COA1: variants seen among roughly 807,000 people sequenced by gnomAD.
COA1 encodes cytochrome c oxidase assembly factor 1 homolog.
A neutral mutation model predicts 16.0 loss-of-function variants in COA1; 13 were observed. That is an observed-to-expected ratio of 0.81 (90% CI 0.53 to 1.29). The LOEUF is 1.29. Ranked by LOEUF, COA1 falls within the 50% of genes most tolerant of loss-of-function variation. The pLI is 0.00. For synonymous variants in COA1, 65 were observed against 65.7 expected (o/e 0.99, Z 0.05); for missense variants, 179 against 177.0 (o/e 1.01, Z -0.06).
chr7:43,725,912 A>C (rs1730795966), intron 1 of COA1, among the ~76,000 whole-genome samples: 1 of 151,098 alleles, frequency 6.6e-6, no homozygotes, highest in Admixed American at 6.6e-5. Context: ...ACTGCCTTTT[A>C]ACCAACAAAA....
At chr7:43,648,111 GA>G in intron 2 of COA1, 1 of 197,762 alleles carries the variant, frequency 5.1e-6, no homozygotes, top group Admixed American at 5.4e-5. Flanking sequence ...TTGGGATGAG[GA>G]AACTCTGGTT....
At chr7:43,698,207 C>T (rs1375061257) in intron 1 of COA1, among the ~76,000 whole-genome samples, 3 of 152,170 alleles carry the variant, frequency 2.0e-5, no homozygotes, top group African/African-American at 7.2e-5. Flanking sequence ...GAAAAACAAA[C>T]GTTTAGCCAG....
At chr7:43,630,702 G>A (rs2085092498) in intron 6 of COA1, among the ~76,000 whole-genome samples, 1 of 152,160 alleles carries the variant, frequency 6.6e-6, no homozygotes, top group Non-Finnish European at 1.5e-5. Context: ...GAGTTGAAAA[G>A]ACAGTACAGA....
chr7:43,638,483 C>T (rs867204530), downstream of COA1, among the ~76,000 whole-genome samples: 8 of 151,654 alleles, frequency 5.3e-5, no homozygotes, highest in South Asian at 1.5e-3. Context: ...ATCTAACATG[C>T]GGTTAAGTTG....
chr7:43,670,923 T>G (rs984542647), intron 1 of COA1, among the ~76,000 whole-genome samples: 3 of 152,224 alleles, frequency 2.0e-5, no homozygotes, highest in Non-Finnish European at 4.4e-5. Flanking sequence ...TTTATTAAAA[T>G]TAAAACTGCC....
rs1360804350 is a variant in COA1 at position 43,691,408 on chromosome 7, G to A, written c.-39+38021C>T. Among the ~76,000 whole-genome samples, 104 of 99,246 alleles carry A rather than the reference G, an allele frequency of 1.0e-3. 2 individuals are homozygous for A. The highest frequency in any genetic ancestry group is 1.6e-3 in the Admixed American group (14 of 8,808). 65.1% of individuals were successfully genotyped at this position (99,246 alleles called of 152,430 possible). On this transcript the variant is annotated intron_variant, in intron 1 of 5. Coordinates refer to ENST00000223336, the MANE Select transcript of COA1 (RefSeq NM_018224.4). ...GGAAGGAAGGAAGGAAGGAAGGAAG[G>A]AAGGAAGAAAGAAAAAGAAAGAAAG...
intron 1 of COA1, chr7:43,650,452 GAAAT>G (rs2090509354): frequency 6.6e-6 from 1 of 152,170 alleles, no homozygotes; most frequent in Admixed American, 6.5e-5. Flanking sequence ...ATTCAGAAAA[GAAAT>G]AAGGCTGAAA....
intron 6 of COA1, chr7:43,624,410 C>T (rs552246126): frequency 3.5e-6 from 4 of 1,137,104 alleles, no homozygotes; most frequent in Admixed American, 3.2e-5. Context: ...AAGATTTTTG[C>T]CAACTTGTCA....
At chr7:43,646,733 C>T (rs1007991934) in intron 3 of COA1, 15 of 404,222 alleles carry the variant, frequency 3.7e-5, no homozygotes, top group African/African-American at 2.9e-4. Context: ...ATCTCAGGCC[C>T]CCTCCAGACT....
chr7:43,725,071 T>C (rs2095586507), intron 1 of COA1, among the ~76,000 whole-genome samples: 4 of 152,168 alleles, frequency 2.6e-5, no homozygotes, highest in African/African-American at 9.7e-5. Flanking sequence ...AAACCCCGTC[T>C]GTACTAAAAA....
At chr7:43,697,384 C>G (rs1479901791) in intron 1 of COA1, among the ~76,000 whole-genome samples, 1 of 151,992 alleles carries the variant, frequency 6.6e-6, no homozygotes, top group East Asian at 2.0e-4. Context: ...CTCTGCCTCC[C>G]TGGTTCAAGT....
intron 1 of COA1, among the ~76,000 whole-genome samples, chr7:43,706,974 C>G (rs2095009679): frequency 6.6e-6 from 1 of 152,132 alleles, no homozygotes; most frequent in Non-Finnish European, 1.5e-5. Flanking sequence ...AGTTCAAGAC[C>G]AGCCTGGCCA....
intron 6 of COA1, among the ~76,000 whole-genome samples, chr7:43,616,457 A>G (rs1366003837): frequency 1.3e-5 from 2 of 152,202 alleles, no homozygotes; most frequent in Non-Finnish European, 2.9e-5. Context: ...ACAGTGACAA[A>G]AGAGTAATCA....
intron 5 of COA1, among the ~76,000 whole-genome samples, chr7:43,640,346 A>G (rs1219065512): frequency 1.3e-5 from 2 of 152,242 alleles, no homozygotes; most frequent in Admixed American, 6.5e-5. Flanking sequence ...TACAAATTCA[A>G]CGGCATAAGG....
At chr7:43,648,898 C>T (rs1192809550) in intron 1 of COA1, 3 of 413,540 alleles carry the variant, frequency 7.3e-6, no homozygotes, top group Admixed American at 3.9e-5. Context: ...GTTACAGCAA[C>T]CAAAGAACCG....
At chr7:43,634,456 C>A (rs780009706), downstream of COA1, among the ~76,000 whole-genome samples, 2 of 152,148 alleles carry the variant, frequency 1.3e-5, no homozygotes, top group Non-Finnish European at 2.9e-5. Context: ...ACACGTGGGT[C>A]CCACTGATAC....
chr7:43,713,351 C>T (rs941846900), intron 1 of COA1, among the ~76,000 whole-genome samples: 2 of 152,132 alleles, frequency 1.3e-5, no homozygotes, highest in Non-Finnish European at 2.9e-5. Flanking sequence ...CACTCAAAAG[C>T]CTCTCTTCTA....
intron 1 of COA1, among the ~76,000 whole-genome samples, chr7:43,719,245 G>C (rs755974173): frequency 1.5e-4 from 23 of 152,110 alleles, no homozygotes; most frequent in Non-Finnish European, 2.9e-4. Context: ...TGGGATTATA[G>C]GCATGAGCCA....
intron 6 of COA1, among the ~76,000 whole-genome samples, chr7:43,627,170 A>C (rs1259219824): frequency 1.3e-5 from 2 of 152,238 alleles, no homozygotes; most frequent in African/African-American, 4.8e-5. Context: ...TTGTTTATGA[A>C]ATGTATAAAA....
Sources: gnomAD v4.1 joint callset for allele counts (sites outside exome capture counted in the v4.1 genomes callset) on GRCh38, gnomAD v4.1.1 for gene constraint, MANE v1.5 for transcripts, NCBI Gene and HGNC (gene_info 2026-07-23, HGNC 2026-07-21) for gene names.